Variants in DRC11 observed in about 807,000 individuals in gnomAD.
DRC11 encodes IQ and AAA domain-containing protein 1.
chr2:236,476,086 G>T, the DRC11 span, among the ~76,000 whole-genome samples: 1 of 151,962 alleles, frequency 6.6e-6, no homozygotes, highest in South Asian at 2.1e-4. The surrounding 1 kb of genome is among the most constrained non-coding windows in gnomAD (Gnocchi z 4.7). Flanking sequence ...AGGAATTTTA[G>T]AATTTTTTTT....
At chr2:236,483,117 T>C in the DRC11 span, among the ~76,000 whole-genome samples, 3 of 152,322 alleles carry the variant, frequency 2.0e-5, no homozygotes, top group African/African-American at 4.8e-5. The surrounding 1 kb of genome is among the most constrained non-coding windows in gnomAD (Gnocchi z 4.8). Flanking sequence ...AGATAGTGCA[T>C]ATAGGTGAAA....
chr2:236,465,856 C>A, the DRC11 span: 19 of 622,466 alleles, frequency 3.1e-5, no homozygotes, highest in Admixed American at 5.2e-4. The surrounding 1 kb of genome is among the most constrained non-coding windows in gnomAD (Gnocchi z 6.2). Flanking sequence ...GGAAGCAAAG[C>A]TAACTGAGTG....
chr2:236,504,284 ATTTCTTTCT>A, the DRC11 span, among the ~76,000 whole-genome samples: 2 of 151,848 alleles, frequency 1.3e-5, no homozygotes, highest in South Asian at 4.1e-4. The surrounding 1 kb of genome is among the most constrained non-coding windows in gnomAD (Gnocchi z 5.0). Flanking sequence ...TTTGTACTTC[ATTTCTTTCT>A]ATTGCTAAGT....
chr2:236,486,841 G>T, the DRC11 span: 2 of 1,609,538 alleles, frequency 1.2e-6, no homozygotes, highest in Admixed American at 1.7e-5. The surrounding 1 kb of genome is among the most constrained non-coding windows in gnomAD (Gnocchi z 5.7). Context: ...TACCCAGGAA[G>T]ATCATCTCCT....
chr2:236,442,942 A>C, the DRC11 span, among the ~76,000 whole-genome samples: 1 of 152,136 alleles, frequency 6.6e-6, no homozygotes, highest in Non-Finnish European at 1.5e-5. Context: ...TTGTTTTCTC[A>C]AGGGAAAGAT....
At chr2:236,354,309 G>GAGTTTATGTTAGTGTGTACA in the DRC11 span, among the ~76,000 whole-genome samples, 14 of 152,146 alleles carry the variant, frequency 9.2e-5, no homozygotes, top group Admixed American at 2.0e-4. Context: ...ATGTGTGCAT[G>GAGTTTATGTTAGTGTGTACA]TGTGTGCATG....
the DRC11 span, among the ~76,000 whole-genome samples, chr2:236,316,145 T>TTCTCTCTCTCTCTCTCTCTCTC: frequency 1.2e-3 from 174 of 146,196 alleles, no homozygotes; most frequent in Admixed American, 2.2e-3. The surrounding 1 kb of genome is among the most constrained non-coding windows in gnomAD (Gnocchi z 6.8). Context: ...ACTTATTTTC[T>TTCTCTCTCTCTCTCTCTCTCTC]TCTCTCTCTC....
the DRC11 span, among the ~76,000 whole-genome samples, chr2:236,488,573 T>C: frequency 6.6e-6 from 1 of 152,194 alleles, no homozygotes; most frequent in Admixed American, 6.5e-5. Context: ...ATGAAAAACC[T>C]ACCTCTAATA....
chr2:236,459,554 T>C, the DRC11 span, among the ~76,000 whole-genome samples: 2,769 of 116,442 alleles, frequency 0.024, 54 homozygotes, highest in Non-Finnish European at 0.028. Flanking sequence ...TACGTATACA[T>C]GTATACGTAT....
At chr2:236,387,818 G>T in the DRC11 span, among the ~76,000 whole-genome samples, 1 of 152,076 alleles carries the variant, frequency 6.6e-6, no homozygotes, top group South Asian at 2.1e-4. Flanking sequence ...TCCTTTCCAT[G>T]TTTAGTGCTT....
the DRC11 span, among the ~76,000 whole-genome samples, chr2:236,437,374 C>A: frequency 6.7e-6 from 1 of 148,986 alleles, no homozygotes; most frequent in Admixed American, 6.7e-5. Flanking sequence ...CAAGTCTTTG[C>A]TATTGTGAAT....
At chr2:236,450,527 T>C in the DRC11 span, among the ~76,000 whole-genome samples, 10 of 151,860 alleles carry the variant, frequency 6.6e-5, no homozygotes, top group Non-Finnish European at 1.3e-4. Context: ...ACCATGTTGG[T>C]CAGGATGGTC....
At chr2:236,493,910 AAG>A in the DRC11 span, 2 of 1,570,438 alleles carry the variant, frequency 1.3e-6, no homozygotes, top group South Asian at 2.4e-5. Context: ...AAGAATAAAA[AAG>A]AGTATTTCCG....
the DRC11 span, among the ~76,000 whole-genome samples, chr2:236,359,286 C>T: frequency 2.0e-5 from 3 of 151,930 alleles, no homozygotes; most frequent in Non-Finnish European, 4.4e-5. This position sits in a 1 kb window ranked among gnomAD's most constrained non-coding sequence, Gnocchi z 4.3. Context: ...AAAAAGGAAA[C>T]GCTTCCCCTC....
chr2:236,390,350 T>C, the DRC11 span, among the ~76,000 whole-genome samples: 5 of 152,184 alleles, frequency 3.3e-5, no homozygotes, highest in South Asian at 2.1e-4. The surrounding 1 kb of genome is among the most constrained non-coding windows in gnomAD (Gnocchi z 5.9). Context: ...TTTCAGCCTA[T>C]GTGTCCCTAA....
At chr2:236,465,682 C>T in the DRC11 span, 10 of 1,612,170 alleles carry the variant, frequency 6.2e-6, no homozygotes, top group Non-Finnish European at 6.8e-6. This position sits in a 1 kb window ranked among gnomAD's most constrained non-coding sequence, Gnocchi z 6.2. Flanking sequence ...TACTGTAGCA[C>T]TGACTTCATT....
At chr2:236,460,000 T>C in the DRC11 span, among the ~76,000 whole-genome samples, 7 of 152,158 alleles carry the variant, frequency 4.6e-5, no homozygotes, top group Non-Finnish European at 8.8e-5. Flanking sequence ...TGTTGAGCCA[T>C]CATTGTGTGT....
chr2:236,497,469 C>G, the DRC11 span: 2 of 1,608,580 alleles, frequency 1.2e-6, no homozygotes, highest in South Asian at 2.2e-5. This position sits in a 1 kb window ranked among gnomAD's most constrained non-coding sequence, Gnocchi z 5.1. Context: ...GGGTCTGATG[C>G]CACATCTTAT....
the DRC11 span, among the ~76,000 whole-genome samples, chr2:236,440,887 A>C: frequency 6.6e-6 from 1 of 152,244 alleles, no homozygotes; most frequent in East Asian, 1.9e-4. Context: ...TAAATATGAA[A>C]GTGTGTACAA....
Sources: allele counts gnomAD v4.1 joint callset (sites outside exome capture counted in the v4.1 genomes callset), GRCh38; gene constraint gnomAD v4.1.1; non-coding constraint Gnocchi (gnomAD v3.1); transcripts MANE v1.5; gene names NCBI Gene and HGNC (gene_info 2026-07-23, HGNC 2026-07-21).